Variants in RBFOX1 observed in about 807,000 individuals in gnomAD.
RBFOX1 encodes RNA binding protein fox-1 homolog 1.
Under a neutral mutation model 57.7 loss-of-function variants are expected in RBFOX1, and 8 were observed. The ratio of observed to expected loss-of-function variants is 0.14; its 90% confidence interval spans 0.08 to 0.25. RBFOX1 has a LOEUF of 0.25. Ranked by LOEUF, RBFOX1 falls within the 10% of genes least tolerant of loss-of-function variation. RBFOX1 has a pLI of 1.00. For missense variants in RBFOX1, 611 were observed against 548.5 expected, an observed-to-expected ratio of 1.11 and a Z score of -1.14; for synonymous variants, 326 against 222.4, an observed-to-expected ratio of 1.47 and a Z score of -4.15.
chr16:7,105,795 T>A (rs200936404), intron 4 of RBFOX1, among the ~76,000 whole-genome samples: 1 of 115,138 alleles, frequency 8.7e-6, no homozygotes, highest in African/African-American at 3.5e-5. Flanking sequence ...TAGAGATAGA[T>A]AGATAGAGAT....
intron 3 of RBFOX1, among the ~76,000 whole-genome samples, chr16:5,808,919 C>G (rs1250736998): frequency 2.0e-5 from 3 of 152,152 alleles, no homozygotes; most frequent in East Asian, 3.9e-4. Flanking sequence ...GTTTCCTTCT[C>G]CTGCCTAATT....
rs145054581 is a variant in RBFOX1, at chr16:5,543,506, A to G, written c.259-55396A>G. ...AAAATTAAACACATAGAGAACAATA[A>G]TAATGAGAAAAAGAGAACAGCATTA... On this transcript the variant is annotated intron_variant, in intron 2 of 2. Transcript: ENST00000585867. Among the ~76,000 whole-genome samples, 105 of 152,368 alleles carry G rather than the reference A, an allele frequency of 6.9e-4. 1 individual carries two copies. The highest frequency in any genetic ancestry group is 2.4e-3 in the African/African-American group (101 of 41,596).
intron 4 of RBFOX1, among the ~76,000 whole-genome samples, chr16:7,371,284 C>G (rs2097561036): frequency 6.6e-6 from 1 of 152,160 alleles, no homozygotes; most frequent in African/African-American, 2.4e-5. Context: ...CTGAGATTAA[C>G]CAGTAAACTT....
At position 6,129,619 on chromosome 16, in the gene RBFOX1, G is replaced by A. The variant is rs193109117; in HGVS notation, c.-127+109627G>A. Among the ~76,000 whole-genome samples, 687 of 151,406 alleles carry A rather than the reference G, an allele frequency of 4.5e-3. 5 individuals carry two copies. Among genetic ancestry groups the A allele is most frequent in the Middle Eastern group, 0.014 (4 of 294 alleles). On this transcript the variant is annotated intron_variant, in intron 1 of 15. Coordinates refer to ENST00000550418, the MANE Select transcript of RBFOX1 (RefSeq NM_018723.4). Reference sequence around the variant, plus strand: ...GATAGAAAAAACAGTTGAAGTAAGCGGTGAAAATTTTCCAAAGTTAATGAA... The same window carrying A: ...GATAGAAAAAACAGTTGAAGTAAGCAGTGAAAATTTTCCAAAGTTAATGAA...
chr16:5,502,759 G>T (rs2043243657), intron 2 of RBFOX1, among the ~76,000 whole-genome samples: 1 of 152,154 alleles, frequency 6.6e-6, no homozygotes, highest in Admixed American at 6.5e-5. Flanking sequence ...GTGCACCAGA[G>T]CCTGCCCCCG....
chr16:5,860,584 G>A (rs2057188059), intron 3 of RBFOX1, among the ~76,000 whole-genome samples: 2 of 152,184 alleles, frequency 1.3e-5, no homozygotes, highest in Non-Finnish European at 2.9e-5. Flanking sequence ...TCATTAGGAC[G>A]CAAAGTTGCC....
intron 3 of RBFOX1, among the ~76,000 whole-genome samples, chr16:5,687,734 A>C (rs957574003): frequency 2.0e-5 from 3 of 152,178 alleles, no homozygotes; most frequent in Non-Finnish European, 4.4e-5. Flanking sequence ...CTTCATTCTC[A>C]GGAAAACTGG....
intron 2 of RBFOX1, among the ~76,000 whole-genome samples, chr16:6,482,399 A>C (rs1311893650): frequency 1.3e-5 from 2 of 152,220 alleles, no homozygotes. Context: ...TTTGGTCCCT[A>C]CCAAAATCAG....
At chr16:6,910,079 C>T (rs1443123044) in intron 3 of RBFOX1, among the ~76,000 whole-genome samples, 2 of 152,022 alleles carry the variant, frequency 1.3e-5, no homozygotes, top group Non-Finnish European at 2.9e-5. Context: ...GATATTGTGC[C>T]TGTACGTCCC....
chr16:6,484,511 C>T (rs2095432607), intron 2 of RBFOX1, among the ~76,000 whole-genome samples: 1 of 152,120 alleles, frequency 6.6e-6, no homozygotes, highest in Non-Finnish European at 1.5e-5. Context: ...AGAAATGTGC[C>T]TTGCCTTCTC....
chr16:7,244,506 T>C (rs931296259), intron 4 of RBFOX1, among the ~76,000 whole-genome samples: 2 of 152,178 alleles, frequency 1.3e-5, no homozygotes, highest in African/African-American at 4.8e-5. Context: ...AGTAAGATTG[T>C]ATTTTTGGCA....
chr16:7,660,381 A>T (rs1252254571), intron 12 of RBFOX1, among the ~76,000 whole-genome samples: 1 of 151,972 alleles, frequency 6.6e-6, no homozygotes, highest in African/African-American at 2.4e-5. Context: ...CGCAATGGTA[A>T]CTCCCTTCTC....
intron 2 of RBFOX1, among the ~76,000 whole-genome samples, chr16:6,576,414 C>T (rs2097437197): frequency 6.6e-6 from 1 of 152,176 alleles, no homozygotes. Context: ...ACATAGTGGA[C>T]CCAGTTGGGA....
intron 1 of RBFOX1, among the ~76,000 whole-genome samples, chr16:5,437,085 T>C (rs530414244): frequency 6.6e-6 from 1 of 152,322 alleles, no homozygotes; most frequent in African/African-American, 2.4e-5. Flanking sequence ...ACTGAACTTT[T>C]GGCTATATTG....
At chr16:6,523,007 T>C (rs1317472765) in intron 2 of RBFOX1, among the ~76,000 whole-genome samples, 7 of 152,202 alleles carry the variant, frequency 4.6e-5, no homozygotes, top group African/African-American at 1.7e-4. Context: ...CAAAGAACCA[T>C]TGTCCATCCT....
intron 4 of RBFOX1, among the ~76,000 whole-genome samples, chr16:7,292,982 A>T (rs2095822736): frequency 6.6e-6 from 1 of 152,064 alleles, no homozygotes. Flanking sequence ...CTGGCTCTCA[A>T]AAAGAAAAGA....
intron 2 of RBFOX1, among the ~76,000 whole-genome samples, chr16:6,386,806 A>G (rs928089537): frequency 1.3e-5 from 2 of 152,248 alleles, no homozygotes; most frequent in African/African-American, 4.8e-5. Context: ...AGAAATATAA[A>G]GAATTATTCA....
At chr16:5,491,896 C>G (rs1373757710) in intron 2 of RBFOX1, among the ~76,000 whole-genome samples, 3 of 152,206 alleles carry the variant, frequency 2.0e-5, no homozygotes, top group Non-Finnish European at 4.4e-5. Flanking sequence ...CAACAATGTC[C>G]AGGCCTCACA....
intron 4 of RBFOX1, among the ~76,000 whole-genome samples, chr16:7,205,662 T>C (rs939415364): frequency 2.6e-5 from 4 of 152,260 alleles, no homozygotes; most frequent in African/African-American, 9.6e-5. Context: ...ATTCCATGCC[T>C]TCTTGGTCAT....
Sources: allele counts gnomAD v4.1 joint callset (sites outside exome capture counted in the v4.1 genomes callset), GRCh38; gene constraint gnomAD v4.1.1; transcripts MANE v1.5; gene names NCBI Gene and HGNC (gene_info 2026-07-23, HGNC 2026-07-21).